The following SUGCT variants were observed in gnomAD, a reference collection of about 807,000 sequenced individuals.
SUGCT encodes succinyl-CoA:glutarate CoA-transferase.
In SUGCT, 41 loss-of-function variants were observed where a neutral mutation model predicts 55.0. That is an observed-to-expected ratio of 0.74 (90% CI 0.58 to 0.97). SUGCT has a LOEUF of 0.97. Ranked by LOEUF, SUGCT falls within the 50% of genes least tolerant of loss-of-function variation. SUGCT has a pLI of 0.00. For missense variants in SUGCT, 568 were observed against 547.8 expected (o/e 1.04, Z -0.37); for synonymous variants, 187 against 200.4 (o/e 0.93, Z 0.56).
At chr7:40,392,105 TG>T (rs2151303843) in intron 9 of SUGCT, among the ~76,000 whole-genome samples, 1 of 152,110 alleles carries the variant, frequency 6.6e-6, no homozygotes, top group South Asian at 2.1e-4. Flanking sequence ...GGACACAGGG[TG>T]GAGAACGTCA....
At chr7:40,526,559 C>T (rs1038051472) in intron 12 of SUGCT, among the ~76,000 whole-genome samples, 3 of 152,154 alleles carry the variant, frequency 2.0e-5, no homozygotes, top group South Asian at 2.1e-4. Flanking sequence ...TATCTCTAAA[C>T]GTTCCCAGTG....
intron 13 of SUGCT, among the ~76,000 whole-genome samples, chr7:40,851,060 A>G (rs1465206280): frequency 6.6e-6 from 1 of 152,202 alleles, no homozygotes; most frequent in Non-Finnish European, 1.5e-5. Flanking sequence ...TTACATGTAA[A>G]GATACTGAGG....
At chr7:40,691,621 T>C (rs1237031579) in intron 12 of SUGCT, among the ~76,000 whole-genome samples, 1 of 152,222 alleles carries the variant, frequency 6.6e-6, no homozygotes, top group Non-Finnish European at 1.5e-5. Flanking sequence ...ATTAAAGTCT[T>C]GGCTTAAGAA....
At chr7:40,434,493 G>T (rs1306602823) in intron 9 of SUGCT, among the ~76,000 whole-genome samples, 2 of 152,066 alleles carry the variant, frequency 1.3e-5, no homozygotes, top group Admixed American at 1.3e-4. Context: ...GATTCATGGG[G>T]ACTTGAGAAG....
At position 40,449,368 on chromosome 7, in the gene SUGCT, A is replaced by T; in HGVS notation, c.888+10A>T. 1 of 1,599,644 alleles carries T rather than the reference A, an allele frequency of 6.3e-7. No individual in the cohort carries two copies. On this transcript the variant is annotated intron_variant, in intron 10 of 13. Coordinates refer to ENST00000335693, the MANE Select transcript of SUGCT (RefSeq NM_001193313.2). The stretch of plus-strand genomic sequence containing the variant: ...TGCCACCGTCTGCAAGGTAATCTAT[A>T]ATTATTGGGATTGGTCGATGATTTT...
chr7:40,448,597 C>T lies in SUGCT; in HGVS notation c.817-690C>T, dbSNP rs543953695. Among the ~76,000 whole-genome samples the T allele has an allele frequency of 5.3e-5, 8 of 152,144 alleles. No individual in the cohort carries two copies. In the South Asian group the frequency reaches 8.3e-4, roughly 16 times the overall value. On this transcript the variant is annotated intron_variant, in intron 9 of 13. Coordinates refer to ENST00000335693, the MANE Select transcript of SUGCT (RefSeq NM_001193313.2). ...GCATGGTGGCTCATGCCTGTAATCC[C>T]GGCACTTTGGGAGGCTGAGGTAAGC...
At chr7:40,938,725 C>T in the SUGCT span, among the ~76,000 whole-genome samples, 2 of 152,090 alleles carry the variant, frequency 1.3e-5, no homozygotes, top group South Asian at 4.2e-4. Flanking sequence ...CCACTCTTCC[C>T]ACCAAGTCTC....
intron 12 of SUGCT, among the ~76,000 whole-genome samples, chr7:40,673,601 A>G (rs1040839852): frequency 4.6e-5 from 7 of 152,194 alleles, no homozygotes; most frequent in African/African-American, 9.7e-5. Flanking sequence ...TAAGGGCGCT[A>G]TGTAAAGCTG....
At chr7:40,578,312 G>A (rs1584034490) in intron 12 of SUGCT, among the ~76,000 whole-genome samples, 1 of 152,092 alleles carries the variant, frequency 6.6e-6, no homozygotes, top group African/African-American at 2.4e-5. Context: ...AACACACTTG[G>A]CAGTACATTG....
At chr7:40,312,973 G>A (rs1320300250) in intron 8 of SUGCT, among the ~76,000 whole-genome samples, 1 of 152,160 alleles carries the variant, frequency 6.6e-6, no homozygotes, top group African/African-American at 2.4e-5. Flanking sequence ...TCATTCGGTG[G>A]AAGTGGAGCA....
At chr7:40,359,231 T>A (rs1426601551) in intron 9 of SUGCT, among the ~76,000 whole-genome samples, 1 of 152,130 alleles carries the variant, frequency 6.6e-6, no homozygotes, top group Non-Finnish European at 1.5e-5. Context: ...TGAGACAGAG[T>A]TTTGCTCTTG....
intron 12 of SUGCT, among the ~76,000 whole-genome samples, chr7:40,723,603 A>ACTAATTCCTT (rs1398405301): frequency 1.3e-5 from 2 of 152,216 alleles, no homozygotes; most frequent in African/African-American, 2.4e-5. Context: ...AGCTTCTGCT[A>ACTAATTCCTT]CTAATTCCTT....
At chr7:40,711,603 C>G (rs983058559) in intron 12 of SUGCT, among the ~76,000 whole-genome samples, 1 of 152,096 alleles carries the variant, frequency 6.6e-6, no homozygotes, top group African/African-American at 2.4e-5. Context: ...ACTGCCATAC[C>G]CATTTCTCTT....
At chr7:41,007,376 T>A in the SUGCT span, among the ~76,000 whole-genome samples, 1 of 152,034 alleles carries the variant, frequency 6.6e-6, no homozygotes, top group African/African-American at 2.4e-5. Flanking sequence ...TAATCCAGAG[T>A]AAAGCTAGGG....
intron 9 of SUGCT, among the ~76,000 whole-genome samples, chr7:40,356,282 G>A (rs1293407102): frequency 2.0e-5 from 3 of 152,152 alleles, no homozygotes; most frequent in African/African-American, 7.2e-5. Flanking sequence ...ATGCTGTTTT[G>A]CCTTGAAATT....
intron 3 of SUGCT, 67 bp downstream of exon 3, chr7:40,182,095 T>G: frequency 1.1e-6 from 1 of 908,466 alleles, no homozygotes; most frequent in East Asian, 2.6e-5. Flanking sequence ...ATTCTCTAAA[T>G]ACCCATGTTT....
the SUGCT span, among the ~76,000 whole-genome samples, chr7:40,889,884 AT>A: frequency 6.6e-6 from 1 of 152,148 alleles, no homozygotes; most frequent in Admixed American, 6.6e-5. Context: ...CACAACTCAG[AT>A]TCTACCCTTT....
At chr7:40,652,819 C>A (rs1399892298) in intron 12 of SUGCT, among the ~76,000 whole-genome samples, 1 of 152,168 alleles carries the variant, frequency 6.6e-6, no homozygotes, top group Non-Finnish European at 1.5e-5. Flanking sequence ...GGGCATAGAT[C>A]ATGTCCCCTC....
chr7:40,543,064 A>G (rs187352162), intron 12 of SUGCT, among the ~76,000 whole-genome samples: 1 of 152,332 alleles, frequency 6.6e-6, no homozygotes, highest in Non-Finnish European at 1.5e-5. Flanking sequence ...CCACCAGTGA[A>G]CAACAAAAGC....
Sources: allele counts gnomAD v4.1 joint callset (sites outside exome capture counted in the v4.1 genomes callset), GRCh38; gene constraint gnomAD v4.1.1; transcripts MANE v1.5; gene names NCBI Gene and HGNC (gene_info 2026-07-23, HGNC 2026-07-21).